Variants in DCUN1D5 observed in about 807,000 individuals in gnomAD.
DCUN1D5 encodes the protein defective in cullin neddylation 1 domain containing 5.
A neutral mutation model predicts 38.3 loss-of-function variants in DCUN1D5; 10 were observed. That is an observed-to-expected ratio of 0.26 (90% confidence interval 0.16 to 0.44). The LOEUF (loss-of-function observed/expected upper bound fraction) is 0.44, where lower values mean the gene tolerates loss of function less well. DCUN1D5 is among the 20% of genes least tolerant of loss of function. DCUN1D5 has a pLI of 1.00. For missense variants in DCUN1D5, 148 were observed against 275.3 expected, an observed-to-expected ratio of 0.54 and a Z score of 3.27; for synonymous variants, 93 against 90.9, an observed-to-expected ratio of 1.02 and a Z score of -0.13.
Position 103,057,799 on chromosome 11 carries a change from T to A in DCUN1D5, c.*4560A>T, listed in dbSNP as rs1861910450. On this transcript the variant is annotated 3_prime_UTR_variant, in exon 8 of 8. Transcript: ENST00000260247. This position sits in a 1 kb window ranked among gnomAD's most constrained non-coding sequence, Gnocchi z 4.8. ...CAGCTCACAGAGTTTTGGGGAAATCTGGCTCTCTCTATATATTCACTTCAA... is the reference window on the plus strand; with the variant it reads ...CAGCTCACAGAGTTTTGGGGAAATCAGGCTCTCTCTATATATTCACTTCAA... Among the ~76,000 whole-genome samples the A allele has an allele frequency of 6.6e-6, 1 of 152,134 alleles. No individual in the cohort carries two copies. The highest frequency in any genetic ancestry group is 1.5e-5 in the Non-Finnish European group (1 of 68,034).
In DCUN1D5 at chr11:103,073,951, G is replaced by C. The variant is rs1013813910; in HGVS notation, c.342-7384C>G. 6.6e-6 allele frequency among the ~76,000 whole-genome samples: 1 copy of C among 152,004 alleles called. No individual in the cohort carries two copies. The highest frequency in any genetic ancestry group is 1.5e-5 in the Non-Finnish European group (1 of 67,978). On this transcript the variant is annotated intron_variant, in intron 4 of 7. Coordinates refer to ENST00000260247, the MANE Select transcript of DCUN1D5 (RefSeq NM_032299.4). The surrounding 1 kb of genome is among the most constrained non-coding windows in gnomAD (Gnocchi z 4.2). ...TAGCCAGGTATGGTGGCACATGCAT[G>C]TGTGGCTACTCGGGGGGCTGATGTG...
chr11:103,067,553 A>G (rs762493965), intron 4 of DCUN1D5, among the ~76,000 whole-genome samples: 7 of 152,218 alleles, frequency 4.6e-5, no homozygotes, highest in Non-Finnish European at 1.0e-4. Context: ...GGTCCACAGT[A>G]TTCCACTCAA....
rs2134624659 is a variant in DCUN1D5, at chr11:103,078,559, C to A, written c.341+4189G>T. 6.6e-6 allele frequency among the ~76,000 whole-genome samples: 1 copy of A among 152,280 alleles called. No individual in the cohort carries two copies. The highest frequency in any genetic ancestry group is 2.1e-4 in the South Asian group (1 of 4,828). On this transcript the variant is annotated intron_variant, in intron 4 of 7. Coordinates refer to ENST00000260247, the MANE Select transcript of DCUN1D5 (RefSeq NM_032299.4). This position sits in a 1 kb window ranked among gnomAD's most constrained non-coding sequence, Gnocchi z 4.6. ...CCCCAAATCTTTTAAAATTCCTGTG[C>A]TTTAAAATCTCTGATGGTTTCCCAA...
intron 4 of DCUN1D5, chr11:103,079,759 G>T (rs1183800814): frequency 6.6e-6 from 1 of 151,174 alleles, no homozygotes; most frequent in African/African-American, 2.5e-5. Context: ...CTCCAGTCTG[G>T]GTAACAGAGC....
rs115782479 is a variant in DCUN1D5 at position 103,086,333 on chromosome 11, A to G, written c.178+2894T>C. 0.027 allele frequency among the ~76,000 whole-genome samples: 4,101 copies of G among 152,330 alleles called. 213 individuals are homozygous for G. The highest frequency in any genetic ancestry group is 0.094 in the African/African-American group (3,892 of 41,556). Reference sequence around the variant, plus strand: ...TAATAATAACATTTGAGTTCTGACTATATACCAGGTATTGTGCTAAGGGCT... The same window carrying G: ...TAATAATAACATTTGAGTTCTGACTGTATACCAGGTATTGTGCTAAGGGCT... On this transcript the variant is annotated intron_variant, in intron 2 of 7. Transcript: ENST00000260247. This position sits in a 1 kb window ranked among gnomAD's most constrained non-coding sequence, Gnocchi z 4.1.
intron 2 of DCUN1D5, among the ~76,000 whole-genome samples, chr11:103,085,751 C>G (rs1862690192): frequency 1.3e-5 from 2 of 152,174 alleles, no homozygotes; most frequent in Non-Finnish European, 2.9e-5. Flanking sequence ...ACCTCTGGAG[C>G]TAAATTTAAT....
In DCUN1D5 at chr11:103,083,147, A is replaced by C; in HGVS notation, c.249+109T>G. On this transcript the variant is annotated intron_variant, in intron 3 of 7. Transcript: ENST00000260247. This position sits in a 1 kb window ranked among gnomAD's most constrained non-coding sequence, Gnocchi z 4.4. ...CTTAAATGCAAATTTACAATATTAA[A>C]CATGAAGAAATAAAATCTTCATACA... The C allele has an allele frequency of 1.5e-6, 1 of 649,718 alleles. No individual in the cohort carries two copies. Among genetic ancestry groups the C allele is most frequent in the Non-Finnish European group, 2.7e-6 (1 of 366,140 alleles). The allele number at this position is 649,718 out of a possible 1,614,324, so 40.2% of individuals were successfully genotyped here. A position where few individuals can be genotyped will look rare whatever the true frequency, so the allele number is the denominator to read the frequency against.
intron 2 of DCUN1D5, among the ~76,000 whole-genome samples, chr11:103,084,715 C>T (rs1035543502): frequency 9.9e-5 from 15 of 152,062 alleles, no homozygotes; most frequent in African/African-American, 3.6e-4. Flanking sequence ...GAGGCCCAGG[C>T]GCGGTGGCTC....
chr11:103,089,889 A>C (rs920601627), intron 1 of DCUN1D5, among the ~76,000 whole-genome samples: 4 of 152,176 alleles, frequency 2.6e-5, no homozygotes, highest in Non-Finnish European at 5.9e-5. Context: ...ATAATAGTCC[A>C]AATAATTGGG....
intron 4 of DCUN1D5, among the ~76,000 whole-genome samples, chr11:103,074,998 A>AT (rs556607289): frequency 3.0e-4 from 46 of 152,222 alleles, no homozygotes; most frequent in Non-Finnish European, 5.6e-4. Context: ...GTCTTATTCT[A>AT]AAACACATTT....
chr11:103,052,543 C>G lies in DCUN1D5; in HGVS notation c.*9816G>C, dbSNP rs964981274. The G allele has an allele frequency of 6.6e-6, 1 of 152,016 alleles. No individual in the cohort carries two copies. Among genetic ancestry groups the G allele is most frequent in the Non-Finnish European group, 1.5e-5 (1 of 67,988 alleles). The allele number at this position is 152,016 out of a possible 1,614,324, so 9.4% of individuals were successfully genotyped here. On this transcript the variant is annotated 3_prime_UTR_variant, in exon 8 of 8. Transcript: ENST00000260247. ...AAACTAACAACTACACTGTTTTATC[C>G]TGTGTAATAAGAGGGCATAGCAAAG... is the stretch of plus-strand genomic sequence containing the variant.
chr11:103,060,543 T>C lies in DCUN1D5; in HGVS notation c.*1816A>G, dbSNP rs969367804. Among the ~76,000 whole-genome samples the C allele has an allele frequency of 1.3e-5, 2 of 152,160 alleles. No individual in the cohort carries two copies. The highest frequency in any genetic ancestry group is 2.9e-5 in the Non-Finnish European group (2 of 68,028). ...ACTTAAGTATGCACAGATTTGGGTATACACAAGGGTCCTGGTATCAATCTC... is the reference window on the plus strand; with the variant it reads ...ACTTAAGTATGCACAGATTTGGGTACACACAAGGGTCCTGGTATCAATCTC... On this transcript the variant is annotated 3_prime_UTR_variant, in exon 8 of 8. Coordinates refer to ENST00000260247, the MANE Select transcript of DCUN1D5 (RefSeq NM_032299.4).
At position 103,083,269 on chromosome 11, in the gene DCUN1D5, A is replaced by T. The variant is rs1211646129; in HGVS notation, c.236T>A (p.Val79Asp). The change falls in exon 3 of 8, where the codon GTT (valine) becomes GAT (aspartate). Residue 79 changes from valine to aspartate, a missense_variant. Transcript: ENST00000260247. The surrounding 1 kb of genome is among the most constrained non-coding windows in gnomAD (Gnocchi z 4.4). ...GMEKFCEDIG[V>D]EPENIIMLVL... ...AATAAAACATACATTTTCAGGTTCA[A>T]CACCAATGTCTTCACAAAATTTTTC... is the stretch of plus-strand genomic sequence containing the variant. The T allele has an allele frequency of 6.3e-7, 1 of 1,588,810 alleles. No homozygotes were observed. Among genetic ancestry groups the T allele is most frequent in the Non-Finnish European group, 8.6e-7 (1 of 1,157,658 alleles).
chr11:103,076,227 T>C (rs1474743104), intron 4 of DCUN1D5, among the ~76,000 whole-genome samples: 1 of 152,192 alleles, frequency 6.6e-6, no homozygotes, highest in Non-Finnish European at 1.5e-5. Context: ...TCCAAAAATA[T>C]TTGTTAAATA....
rs901421185 is a variant in DCUN1D5, at chr11:103,092,016, G to C, written c.-144C>G. On this transcript the variant is annotated 5_prime_UTR_variant, in exon 1 of 8. Transcript: ENST00000260247. Reference sequence around the variant, plus strand: ...CGCCAGCCCGCACCGGCGCGGCCCAGCCCGGCCGCCGCCCGCTCCCAGGTA... The same window carrying C: ...CGCCAGCCCGCACCGGCGCGGCCCACCCCGGCCGCCGCCCGCTCCCAGGTA... 5.7e-6 allele frequency: 4 copies of C among 705,672 alleles called. No homozygotes were observed. The highest frequency in any genetic ancestry group is 5.4e-5 in the African/African-American group (3 of 55,562). The allele number at this position is 705,672 out of a possible 1,614,324, so 43.7% of individuals were successfully genotyped here. A position where few individuals can be genotyped will look rare whatever the true frequency, so the allele number is the denominator to read the frequency against.
chr11:103,056,870 C>A lies in DCUN1D5; in HGVS notation c.*5489G>T, dbSNP rs753605552. Among the ~76,000 whole-genome samples, 1 of 152,134 alleles carries A rather than the reference C, an allele frequency of 6.6e-6. No individual in the cohort carries two copies. Among genetic ancestry groups the A allele is most frequent in the Non-Finnish European group, 1.5e-5 (1 of 68,036 alleles). ...ACCACTTCTTGTTCAAGTAACAAGA[C>A]GCATTCATTTAACACCTACTAAGTG... is the stretch of plus-strand genomic sequence containing the variant. On this transcript the variant is annotated 3_prime_UTR_variant, in exon 8 of 8. Coordinates refer to ENST00000260247, the MANE Select transcript of DCUN1D5 (RefSeq NM_032299.4). This position sits in a 1 kb window ranked among gnomAD's most constrained non-coding sequence, Gnocchi z 4.9.
Position 103,063,339 on chromosome 11 carries a change from A to G in DCUN1D5, c.659-925T>C, listed in dbSNP as rs115043839. Among the ~76,000 whole-genome samples the G allele has an allele frequency of 6.6e-6, 1 of 152,138 alleles. No individual in the cohort carries two copies. The highest frequency in any genetic ancestry group is 1.5e-5 in the Non-Finnish European group (1 of 67,982). On this transcript the variant is annotated intron_variant, in intron 7 of 7. Transcript: ENST00000260247. The surrounding 1 kb of genome is among the most constrained non-coding windows in gnomAD (Gnocchi z 4.6). ...GTTGTATTTTAATACAAAATCTCCT[A>G]GTTTTAAATGCTGATACAAAATACA... is the stretch of plus-strand genomic sequence containing the variant.
At position 103,061,951 on chromosome 11, in the gene DCUN1D5, T is replaced by C. The variant is rs1407233128; in HGVS notation, c.*408A>G. 1 of 162,720 alleles carries C rather than the reference T, an allele frequency of 6.1e-6. No homozygotes were observed. Among genetic ancestry groups the C allele is most frequent in the Non-Finnish European group, 1.3e-5 (1 of 75,586 alleles). 10.1% of individuals were successfully genotyped at this position (162,720 alleles called of 1,614,324 possible). On this transcript the variant is annotated 3_prime_UTR_variant, in exon 8 of 8. Transcript: ENST00000260247. ...GAGCCATACCATCAGCAGACTATGT[T>C]GCCAAATATTAAGACTGTTTAAAAT...
intron 2 of DCUN1D5, among the ~76,000 whole-genome samples, chr11:103,088,233 T>C (rs749147582): frequency 6.6e-6 from 1 of 151,860 alleles, no homozygotes; most frequent in Non-Finnish European, 1.5e-5. Context: ...GAGCACTAAA[T>C]ATAAGGCAAT....
Sources: allele counts gnomAD v4.1 joint callset (sites outside exome capture counted in the v4.1 genomes callset), GRCh38; gene constraint gnomAD v4.1.1; non-coding constraint Gnocchi (gnomAD v3.1); transcripts MANE v1.5; gene names NCBI Gene and HGNC (gene_info 2026-07-23, HGNC 2026-07-21).